NHEJ1: variants seen among roughly 807,000 people sequenced by gnomAD.
NHEJ1 encodes the protein non-homologous end joining factor 1, also known as non-homologous end-joining factor 1.
A neutral mutation model predicts 39.4 loss-of-function variants in NHEJ1; 22 were observed. The observed-to-expected ratio is 0.56, with a 90% confidence interval of 0.40 to 0.80. The LOEUF (loss-of-function observed/expected upper bound fraction) is 0.80, where lower values mean the gene tolerates loss of function less well. NHEJ1 is among the 30% of genes least tolerant of loss of function. The pLI, the probability that NHEJ1 is intolerant of heterozygous loss-of-function variation, is 0.00. For synonymous variants in NHEJ1, 154 were observed against 135.6 expected, an observed-to-expected ratio of 1.14 and a Z score of -0.94; for missense variants, 329 against 357.1, an observed-to-expected ratio of 0.92 and a Z score of 0.63.
rs550394323 is a variant in NHEJ1, at chr2:219,125,063, G to T, written c.588+21617C>A. ...GAGCCACTTGACCATCTTCTCAAAGGCAAACACAATTAAGATGGTTTGGGT... is the reference window on the plus strand; with the variant it reads ...GAGCCACTTGACCATCTTCTCAAAGTCAAACACAATTAAGATGGTTTGGGT... On this transcript the variant is annotated intron_variant, in intron 5 of 7. Transcript: ENST00000356853. 2.6e-5 allele frequency among the ~76,000 whole-genome samples: 4 copies of T among 151,652 alleles called. No homozygotes were observed. The East Asian group carries it at 7.7e-4, about 29-fold the overall frequency.
intron 6 of NHEJ1, 124 bp from the exon 7 acceptor site, chr2:219,077,488 G>T (rs1574697905): frequency 9.9e-5 from 78 of 787,566 alleles, no homozygotes; most frequent in Non-Finnish European, 2.2e-6. Flanking sequence ...GCAGACAGAA[G>T]TAGCCACAAG....
intron 5 of NHEJ1, among the ~76,000 whole-genome samples, chr2:219,116,313 C>T (rs1949415515): frequency 6.6e-6 from 1 of 152,046 alleles, no homozygotes; most frequent in East Asian, 1.9e-4. Flanking sequence ...TAAAAGAGAT[C>T]CAAGTAAGGT....
chr2:219,076,442 G>A lies in NHEJ1; in HGVS notation c.839C>T (p.Pro280Leu). Residue 280 changes from proline to leucine, a missense_variant, in exon 8 of 8, where the codon CCT becomes CTT. Transcript: ENST00000356853. ...PEKESTGTSG[P>L]LQRPQLSKVK... ...CTTTGACAGCTGAGGTCTCTGCAGA[G>A]GGCCTGAAGTACCCTAGAAAAAAGG... 6.2e-7 allele frequency: 1 copy of A among 1,614,066 alleles called. No individual in the cohort carries two copies. Among genetic ancestry groups the A allele is most frequent in the Non-Finnish European group, 8.5e-7 (1 of 1,180,020 alleles).
chr2:219,105,705 A>C (rs913393598), intron 5 of NHEJ1, among the ~76,000 whole-genome samples: 1 of 152,224 alleles, frequency 6.6e-6, no homozygotes, highest in Non-Finnish European at 1.5e-5. Flanking sequence ...AATCTCATTT[A>C]TGAAGGTCCA....
intron 5 of NHEJ1, among the ~76,000 whole-genome samples, chr2:219,120,573 TG>T (rs1203831105): frequency 6.6e-6 from 1 of 152,200 alleles, no homozygotes; most frequent in African/African-American, 2.4e-5. Context: ...TGCATGCCAG[TG>T]TCCAAGGTCA....
At chr2:219,100,519 G>A (rs1949246887) in intron 5 of NHEJ1, among the ~76,000 whole-genome samples, 1 of 150,950 alleles carries the variant, frequency 6.6e-6, no homozygotes, top group Non-Finnish European at 1.5e-5. Flanking sequence ...ACTGAGGCAT[G>A]AGAATCATTT....
At chr2:219,145,656 G>A (rs545186164) in intron 5 of NHEJ1, among the ~76,000 whole-genome samples, 35 of 151,842 alleles carry the variant, frequency 2.3e-4, no homozygotes, top group South Asian at 4.2e-4. Context: ...GCAATAGGCC[G>A]GGCGCAGTGG....
chr2:219,150,001 C>A (rs996609853), intron 3 of NHEJ1, among the ~76,000 whole-genome samples: 4 of 152,168 alleles, frequency 2.6e-5, no homozygotes, highest in Non-Finnish European at 2.9e-5. Flanking sequence ...GACAAGATAC[C>A]CCAACAGGCT....
Position 219,070,624 on chromosome 2 carries a change from A to T in NHEJ1, c.*5757T>A, listed in dbSNP as rs1472918236. ...AGTGCTGGGATTACAGGCGTAAGCCATGGAGCCCAGTCTTAAATTTCCCCT... is the reference window on the plus strand; with the variant it reads ...AGTGCTGGGATTACAGGCGTAAGCCTTGGAGCCCAGTCTTAAATTTCCCCT... On this transcript the variant is annotated 3_prime_UTR_variant, in exon 8 of 8. Transcript: ENST00000356853. Among the ~76,000 whole-genome samples the T allele has an allele frequency of 6.6e-6, 1 of 151,954 alleles. No individual in the cohort carries two copies. Among genetic ancestry groups the T allele is most frequent in the Non-Finnish European group, 1.5e-5 (1 of 68,002 alleles).
At chr2:219,119,810 T>C (rs1184583109) in intron 5 of NHEJ1, among the ~76,000 whole-genome samples, 1 of 152,178 alleles carries the variant, frequency 6.6e-6, no homozygotes, top group East Asian at 1.9e-4. Flanking sequence ...GCTCCAATCT[T>C]CTCCTGTTTC....
chr2:219,119,260 A>T (rs887407783), intron 5 of NHEJ1, among the ~76,000 whole-genome samples: 4 of 152,224 alleles, frequency 2.6e-5, no homozygotes, highest in Non-Finnish European at 5.9e-5. Flanking sequence ...GACAGAAACA[A>T]ATTCACAGAA....
intron 5 of NHEJ1, among the ~76,000 whole-genome samples, chr2:219,090,999 A>G (rs1574706327): frequency 6.6e-6 from 1 of 152,170 alleles, no homozygotes; most frequent in African/African-American, 2.4e-5. Context: ...TTAGGCTGTG[A>G]GCCCCTAGAG....
chr2:219,151,399 G>A (rs1006852353), intron 3 of NHEJ1, among the ~76,000 whole-genome samples: 1 of 152,106 alleles, frequency 6.6e-6, no homozygotes, highest in African/African-American at 2.4e-5. Context: ...ACATGACAAG[G>A]AACAGCTTTT....
chr2:219,145,479 T>C (rs960584955), intron 5 of NHEJ1, among the ~76,000 whole-genome samples: 8 of 152,066 alleles, frequency 5.3e-5, no homozygotes, highest in African/African-American at 1.9e-4. Flanking sequence ...TAATTTAGGG[T>C]TCAAAAGAGG....
At chr2:219,147,509 C>A (rs1432940653) in intron 4 of NHEJ1, 148 bp downstream of exon 4, 4 of 904,386 alleles carry the variant, frequency 4.4e-6, no homozygotes, top group Non-Finnish European at 7.0e-6. Flanking sequence ...AAAGAGTCAC[C>A]TAATATCAAG....
intron 5 of NHEJ1, among the ~76,000 whole-genome samples, chr2:219,085,088 AAAC>A (rs1347108227): frequency 2.0e-5 from 3 of 152,252 alleles, no homozygotes; most frequent in African/African-American, 7.2e-5. Context: ...GCTATCTGGA[AAAC>A]ACAAAAATAT....
intron 5 of NHEJ1, among the ~76,000 whole-genome samples, chr2:219,105,935 T>G (rs193046556): frequency 3.3e-5 from 5 of 152,364 alleles, no homozygotes; most frequent in Non-Finnish European, 7.3e-5. Context: ...AAGGCAAGGT[T>G]TCAGTTTCAG....
chr2:219,094,528 G>C (rs564324009), intron 5 of NHEJ1, among the ~76,000 whole-genome samples: 1 of 152,284 alleles, frequency 6.6e-6, no homozygotes, highest in South Asian at 2.1e-4. Flanking sequence ...CCCCGGTTCA[G>C]AATCTCTTCA....
intron 5 of NHEJ1, among the ~76,000 whole-genome samples, chr2:219,106,422 A>G (rs1683772153): frequency 6.6e-6 from 1 of 152,148 alleles, no homozygotes; most frequent in African/African-American, 2.4e-5. Context: ...GAGTGTAAAC[A>G]CCCAAGAGGG....
Sources: gnomAD v4.1 joint callset for allele counts (sites outside exome capture counted in the v4.1 genomes callset) on GRCh38, gnomAD v4.1.1 for gene constraint, MANE v1.5 for transcripts, NCBI Gene and HGNC (gene_info 2026-07-23, HGNC 2026-07-21) for gene names.